Variants in ENPP6 observed in about 807,000 individuals in gnomAD.
The protein encoded by ENPP6 is ectonucleotide pyrophosphatase/phosphodiesterase 6, also known as glycerophosphocholine cholinephosphodiesterase ENPP6.
Under a neutral mutation model 42.0 loss-of-function variants are expected in ENPP6, and 32 were observed. That is an observed-to-expected ratio of 0.76 (90% CI 0.58 to 1.02). ENPP6 has a LOEUF of 1.02. Ranked by LOEUF, ENPP6 falls within the 50% of genes least tolerant of loss-of-function variation. The pLI, the probability that ENPP6 is intolerant of heterozygous loss-of-function variation, is 0.00. For missense variants in ENPP6, 552 were observed against 566.8 expected, an observed-to-expected ratio of 0.97 and a Z score of 0.27; for synonymous variants, 213 against 216.0, an observed-to-expected ratio of 0.99 and a Z score of 0.12.
chr4:184,157,733 A>T (rs1737195404), intron 1 of ENPP6, among the ~76,000 whole-genome samples: 1 of 150,204 alleles, frequency 6.7e-6, no homozygotes, highest in South Asian at 2.1e-4. Flanking sequence ...TCAGCCTCCC[A>T]AGTAGCTGGG....
In ENPP6 at chr4:184,151,960, G is replaced by T. The variant is rs530742163; in HGVS notation, c.421+1594C>A. 3.6e-4 allele frequency among the ~76,000 whole-genome samples: 55 copies of T among 152,322 alleles called. No homozygotes were observed. In the South Asian group the frequency reaches 0.01, roughly 29 times the overall value. On this transcript the variant is annotated intron_variant, in intron 2 of 7. Coordinates refer to ENST00000296741, the MANE Select transcript of ENPP6 (RefSeq NM_153343.4). ...AACTCTTCCTCTTCCTTTGCTCAAA[G>T]GTGTCTTGCGTCAGCCGAGGTGGCT...
In ENPP6 at chr4:184,217,716, C is replaced by A. The variant is rs200037984; in HGVS notation, c.104G>T (p.Arg35Leu). 6.8e-6 allele frequency: 11 copies of A among 1,614,068 alleles called. No individual in the cohort carries two copies. The highest frequency in any genetic ancestry group is 7.6e-6 in the Non-Finnish European group (9 of 1,180,030). Residue 35 changes from arginine to leucine, a missense_variant, in exon 1 of 8, where the codon CGC (arginine) becomes CTC (leucine). Physicochemically the swap from Arg to Leu is moderately radical, Grantham distance 102. Coordinates refer to ENST00000296741, the MANE Select transcript of ENPP6 (RefSeq NM_153343.4). Reference sequence around the variant, plus strand: ...CGCCTCATCACTGATGTAGTCTGAGCGAAAACCATCCAGCAGAAACACCAG... The same window carrying A: ...CGCCTCATCACTGATGTAGTCTGAGAGAAAACCATCCAGCAGAAACACCAG... The part of the protein sequence containing the change: ...KLLVFLLDGF[R>L]SDYISDEALE...
At chr4:184,107,467 G>A (rs1736116350) in intron 6 of ENPP6, among the ~76,000 whole-genome samples, 1 of 152,216 alleles carries the variant, frequency 6.6e-6, no homozygotes, top group Non-Finnish European at 1.5e-5. Flanking sequence ...AGGCAAACTG[G>A]GGGCCCTTGC....
Position 184,157,454 on chromosome 4 carries a change from C to T in ENPP6, c.242-3721G>A, listed in dbSNP as rs1407553987. Among the ~76,000 whole-genome samples the T allele has an allele frequency of 3.9e-3, 562 of 145,660 alleles. 13 individuals are homozygous for T. The highest frequency in any genetic ancestry group is 0.03 in the Admixed American group (429 of 14,318). On this transcript the variant is annotated intron_variant, in intron 1 of 7. Transcript: ENST00000296741. ...CCTTTTCTTTCTTTCTTTTCTTTCT[C>T]TCTCTTTCTTTCCTTCCTTTCCTTT...
intron 1 of ENPP6, among the ~76,000 whole-genome samples, chr4:184,167,877 G>T (rs1737379550): frequency 6.6e-6 from 1 of 152,172 alleles, no homozygotes; most frequent in Non-Finnish European, 1.5e-5. Flanking sequence ...AGTGATTCAC[G>T]TCTATAATCC....
chr4:184,169,734 A>G (rs1317075023), intron 1 of ENPP6, among the ~76,000 whole-genome samples: 1 of 152,178 alleles, frequency 6.6e-6, no homozygotes, highest in Non-Finnish European at 1.5e-5. Flanking sequence ...CCCTTTCTCC[A>G]AGGCCAATCA....
intron 6 of ENPP6, 33 bp downstream of exon 6, chr4:184,112,639 T>C: frequency 6.3e-7 from 1 of 1,599,798 alleles, no homozygotes; most frequent in Non-Finnish European, 8.5e-7. Flanking sequence ...AGAATTTGCA[T>C]AGAGAATAAA....
intron 1 of ENPP6, among the ~76,000 whole-genome samples, chr4:184,158,060 C>T (rs1737204201): frequency 6.6e-6 from 1 of 152,110 alleles, no homozygotes; most frequent in East Asian, 1.9e-4. Flanking sequence ...TTTGCATCCA[C>T]TCAACATGTA....
chr4:184,203,120 A>G (rs988672620), intron 1 of ENPP6, among the ~76,000 whole-genome samples: 17 of 151,266 alleles, frequency 1.1e-4, no homozygotes, highest in Admixed American at 4.6e-4. Context: ...GTGTGGGGGC[A>G]GGTGCCTGTA....
At position 184,091,000 on chromosome 4, in the gene ENPP6, C is replaced by A; in HGVS notation, c.*177G>T. On this transcript the variant is annotated 3_prime_UTR_variant, in exon 8 of 8. Transcript: ENST00000296741. ...CCTTCTGGAAAAACAAGGTTTGTATCTTTTTTAACAAGTAGGAACTTTTAT... is the reference window on the plus strand; with the variant it reads ...CCTTCTGGAAAAACAAGGTTTGTATATTTTTTAACAAGTAGGAACTTTTAT... The A allele has an allele frequency of 1.8e-6, 1 of 567,576 alleles. No individual in the cohort carries two copies. Among genetic ancestry groups the A allele is most frequent in the Non-Finnish European group, 2.7e-6 (1 of 366,962 alleles). The allele number at this position is 567,576 out of a possible 1,614,324, so 35.2% of individuals were successfully genotyped here.
intron 2 of ENPP6, among the ~76,000 whole-genome samples, chr4:184,127,416 T>TA (rs1385776138): frequency 4.0e-5 from 6 of 151,894 alleles, no homozygotes; most frequent in Admixed American, 3.3e-4. Context: ...TTAAGACAAG[T>TA]AAAAAAACAG....
intron 7 of ENPP6, among the ~76,000 whole-genome samples, chr4:184,091,747 A>T (rs1051303460): frequency 1.3e-5 from 2 of 152,146 alleles, no homozygotes; most frequent in Non-Finnish European, 2.9e-5. Context: ...TCTCTAAAAA[A>T]AATTTTTTAA....
intron 1 of ENPP6, among the ~76,000 whole-genome samples, chr4:184,192,232 A>G (rs190014380): frequency 6.6e-6 from 1 of 152,348 alleles, no homozygotes; most frequent in East Asian, 1.9e-4. Flanking sequence ...ACTTTCTACA[A>G]AGCGTGGCAA....
intron 2 of ENPP6, among the ~76,000 whole-genome samples, chr4:184,144,156 G>A (rs1579633102): frequency 6.6e-6 from 1 of 152,362 alleles, no homozygotes; most frequent in Admixed American, 6.5e-5. Context: ...GATGCGGAAA[G>A]GGTGCAGACT....
chr4:184,158,341 A>G (rs1343812993), intron 1 of ENPP6, among the ~76,000 whole-genome samples: 7 of 152,216 alleles, frequency 4.6e-5, no homozygotes, highest in African/African-American at 1.7e-4. Flanking sequence ...TTTGCATGGC[A>G]GTGTCGAACC....
intron 2 of ENPP6, among the ~76,000 whole-genome samples, chr4:184,148,110 A>G (rs937894990): frequency 6.6e-6 from 1 of 151,964 alleles, no homozygotes; most frequent in Non-Finnish European, 1.5e-5. Flanking sequence ...GTACTTTTAC[A>G]TTTATTTTGA....
intron 1 of ENPP6, among the ~76,000 whole-genome samples, chr4:184,167,230 C>T (rs1452020367): frequency 1.3e-5 from 2 of 152,208 alleles, no homozygotes; most frequent in African/African-American, 4.8e-5. Flanking sequence ...ATTCTCCTGC[C>T]TCAGTCTCCC....
At chr4:184,201,748 T>TC (rs1450408991) in intron 1 of ENPP6, among the ~76,000 whole-genome samples, 153 of 151,946 alleles carry the variant, frequency 1.0e-3, no homozygotes, top group African/African-American at 3.5e-3. Flanking sequence ...TTTTTTTTTT[T>TC]CCTCAGGGCA....
chr4:184,187,512 CAG>C (rs1732650682), intron 1 of ENPP6, among the ~76,000 whole-genome samples: 1 of 152,208 alleles, frequency 6.6e-6, no homozygotes, highest in Non-Finnish European at 1.5e-5. Flanking sequence ...GCACCTGCCT[CAG>C]AGCTGTCGCT....
Sources: gnomAD v4.1 joint callset for allele counts (sites outside exome capture counted in the v4.1 genomes callset) on GRCh38, gnomAD v4.1.1 for gene constraint, MANE v1.5 for transcripts, NCBI Gene and HGNC (gene_info 2026-07-23, HGNC 2026-07-21) for gene names.